METRNL: variants seen among roughly 807,000 people sequenced by gnomAD.
METRNL encodes the protein meteorin-like protein.
In METRNL, 9 loss-of-function variants were observed where a neutral mutation model predicts 17.4. The ratio of observed to expected loss-of-function variants is 0.52; its 90% confidence interval spans 0.31 to 0.90. METRNL has a LOEUF of 0.90. Ranked by LOEUF, METRNL falls within the 40% of genes least tolerant of loss-of-function variation. The probability of loss-of-function intolerance (pLI) is 0.05; values close to 1 mark genes in which losing one functional copy is unlikely to be tolerated. For synonymous variants in METRNL, 215 were observed against 199.3 expected, an observed-to-expected ratio of 1.08 and a Z score of -0.66; for missense variants, 408 against 430.7, an observed-to-expected ratio of 0.95 and a Z score of 0.47.
Position 83,088,309 on chromosome 17 carries a change from G to A in METRNL, c.556+2986G>A, listed in dbSNP as rs908884697. On this transcript the variant is annotated intron_variant, in intron 2 of 3. Coordinates refer to ENST00000320095, the MANE Select transcript of METRNL (RefSeq NM_001004431.3). Reference sequence around the variant, plus strand: ...GTGCCCAGCAGACCTGGCTGAGGCCGTGTGGGGCTGCTGTTTGCAGGCCAG... The same window carrying A: ...GTGCCCAGCAGACCTGGCTGAGGCCATGTGGGGCTGCTGTTTGCAGGCCAG... Among the ~76,000 whole-genome samples, 4 of 152,368 alleles carry A rather than the reference G, an allele frequency of 2.6e-5. No homozygotes were observed. The East Asian group carries it at 7.7e-4, about 29-fold the overall frequency.
chr17:83,084,394 G>A (rs1225802740), intron 1 of METRNL: 1 of 153,766 alleles, frequency 6.5e-6, no homozygotes, highest in Non-Finnish European at 1.4e-5. Flanking sequence ...TCCTTCACAC[G>A]TGGTGGGGCC....
chr17:83,093,737 A>G (rs1449891715), intron 3 of METRNL, among the ~76,000 whole-genome samples: 1 of 152,114 alleles, frequency 6.6e-6, no homozygotes, highest in Non-Finnish European at 1.5e-5. Context: ...CCTGTGGGAA[A>G]GGTTTGGCCT....
chr17:83,094,227 TC>T (rs2143660965), intron 3 of METRNL, 28 bp from the exon 4 acceptor site: 1 of 1,537,140 alleles, frequency 6.5e-7, no homozygotes, highest in South Asian at 1.3e-5. Flanking sequence ...CTTTGCTCAC[TC>T]CCTGTCCCCA....
At position 83,084,922 on chromosome 17, in the gene METRNL, T is replaced by C; in HGVS notation, c.171-16T>C. The C allele has an allele frequency of 6.2e-7, 1 of 1,600,630 alleles. No homozygotes were observed. ...CGGGAGCTCCGGGCCTGGCTGACAG[T>C]GTCTCTCCTCTGCAGCGGGCTGACG... On this transcript the variant is annotated splice_polypyrimidine_tract_variant and intron_variant, in intron 1 of 3. Coordinates refer to ENST00000320095, the MANE Select transcript of METRNL (RefSeq NM_001004431.3).
At chr17:83,082,781 G>A (rs780377004) in intron 1 of METRNL, among the ~76,000 whole-genome samples, 9 of 152,200 alleles carry the variant, frequency 5.9e-5, no homozygotes, top group Middle Eastern at 3.2e-3. Context: ...CATGAGTCTC[G>A]GACTTCGTGC....
chr17:83,092,670 T>G (rs1600494249), intron 2 of METRNL, among the ~76,000 whole-genome samples: 1 of 136,954 alleles, frequency 7.3e-6, no homozygotes, highest in Non-Finnish European at 1.6e-5. Flanking sequence ...CCCGGCGCCG[T>G]GGGCTGTGGA....
At chr17:83,086,958 C>T (rs1207482376) in intron 2 of METRNL, among the ~76,000 whole-genome samples, 10 of 148,468 alleles carry the variant, frequency 6.7e-5, no homozygotes, top group Non-Finnish European at 8.9e-5. Flanking sequence ...TAGGCTGGGG[C>T]GGTGGGTGGG....
intron 1 of METRNL, chr17:83,082,231 A>G (rs935339419): frequency 4.1e-6 from 4 of 985,328 alleles, no homozygotes; most frequent in Non-Finnish European, 2.4e-6. Context: ...CTCTCCTGCA[A>G]GGTGGGGAAA....
At position 83,094,727 on chromosome 17, in the gene METRNL, G is replaced by A. The variant is rs752886642; in HGVS notation, c.*152G>A. On this transcript the variant is annotated 3_prime_UTR_variant, in exon 4 of 4. Transcript: ENST00000320095. ...TGGTACCGAAGCTGTGGACGTTCTCGCCACACTCAACCCCATGAGCTTCCA... is the reference window on the plus strand; with the variant it reads ...TGGTACCGAAGCTGTGGACGTTCTCACCACACTCAACCCCATGAGCTTCCA... 8.8e-4 allele frequency: 445 copies of A among 505,276 alleles called. 7 individuals carry two copies. Among genetic ancestry groups the A allele is most frequent in the South Asian group, 2.9e-4 (3 of 10,206 alleles). 31.3% of individuals were successfully genotyped at this position (505,276 alleles called of 1,614,324 possible).
chr17:83,080,765 G>A (rs995733009), intron 1 of METRNL, among the ~76,000 whole-genome samples: 3 of 150,840 alleles, frequency 2.0e-5, no homozygotes, highest in Non-Finnish European at 3.0e-5. Context: ...CAGTTCCGGG[G>A]TTCGCAGATG....
rs139658184 is a variant in METRNL, at chr17:83,093,192, C to T, written c.582C>T (p.Thr194=). 25 of 1,608,216 alleles carry T rather than the reference C, an allele frequency of 1.6e-5. No homozygotes were observed. Among genetic ancestry groups the T allele is most frequent in the Middle Eastern group, 1.7e-4 (1 of 6,060 alleles). The change falls in exon 3 of 4, where the codon ACC becomes ACT. Residue 194 remains threonine, a synonymous_variant. Transcript: ENST00000320095. ...LSAPCRPCSD[T]EVLLAVCTSD... Reference sequence around the variant, plus strand: ...CGCCGTGCCGTCCCTGCAGTGACACCGAGGTGCTCCTAGCCGTCTGCACCA... The same window carrying T: ...CGCCGTGCCGTCCCTGCAGTGACACTGAGGTGCTCCTAGCCGTCTGCACCA...
intron 1 of METRNL, among the ~76,000 whole-genome samples, chr17:83,081,216 A>G (rs1420160308): frequency 2.0e-5 from 3 of 151,474 alleles, no homozygotes; most frequent in Admixed American, 6.6e-5. Flanking sequence ...CGGCGCCGGG[A>G]GCCTCCGAGG....
chr17:83,085,126 AT>A lies in METRNL; in HGVS notation c.362del (p.Leu121TrpfsTer7). ...SFTDSSGANI[Y>X]LEKTGELRLL... The stretch of plus-strand genomic sequence containing the variant: ...ACGGACTCCTCGGGGGCCAATATTT[AT>A]TTGGAAAAAACTGGAGAACTGAGAC... On this transcript the variant is annotated frameshift_variant, in exon 2 of 4. Transcript: ENST00000320095. LOFTEE classifies it high-confidence loss of function. The A allele has an allele frequency of 6.2e-7, 1 of 1,613,588 alleles. No homozygotes were observed. Among genetic ancestry groups the A allele is most frequent in the Non-Finnish European group, 8.5e-7 (1 of 1,179,968 alleles).
In METRNL at chr17:83,094,661, C is replaced by T. The variant is rs572326036; in HGVS notation, c.*86C>T. On this transcript the variant is annotated 3_prime_UTR_variant, in exon 4 of 4. Transcript: ENST00000320095. ...CCTGGTGGGGCCGTGCGGTGAGGGC[C>T]GCGCGCTGGGAGCCGCATGCCCTGG... 31 of 1,171,460 alleles carry T rather than the reference C, an allele frequency of 2.6e-5. No individual in the cohort carries two copies. In the East Asian group the frequency reaches 4.6e-4, roughly 17 times the overall value. 72.6% of individuals were successfully genotyped at this position (1,171,460 alleles called of 1,614,324 possible).
At chr17:83,091,031 C>G (rs1368358763) in intron 2 of METRNL, among the ~76,000 whole-genome samples, 1 of 152,144 alleles carries the variant, frequency 6.6e-6, no homozygotes, top group Non-Finnish European at 1.5e-5. Context: ...GGGCGGCTTC[C>G]AGCTTGGGGG....
At chr17:83,084,604 C>CGGCAG (rs1481855327) in intron 1 of METRNL, 1 of 365,772 alleles carries the variant, frequency 2.7e-6, no homozygotes. Flanking sequence ...TTTGACGCTA[C>CGGCAG]GGCAGCAGAG....
intron 1 of METRNL, among the ~76,000 whole-genome samples, chr17:83,081,252 T>G (rs2037984051): frequency 6.6e-6 from 1 of 151,836 alleles, no homozygotes; most frequent in Non-Finnish European, 1.5e-5. Flanking sequence ...GGGCCGCCCC[T>G]GCCCCCGCGG....
At chr17:83,082,028 C>T (rs2037995642) in intron 1 of METRNL, 4 of 962,970 alleles carry the variant, frequency 4.2e-6, no homozygotes, top group African/African-American at 3.5e-5. Flanking sequence ...ATGACACTGG[C>T]CACTGCATCG....
rs138581506 is a variant in METRNL, at chr17:83,090,765, G to T, written c.557-2402G>T. On this transcript the variant is annotated intron_variant, in intron 2 of 3. Transcript: ENST00000320095. Reference sequence around the variant, plus strand: ...GCTGGGACCTCTGGCCCTGTGGTACGGGGCAGGTGCTGGCGTGCAGTCTCA... The same window carrying T: ...GCTGGGACCTCTGGCCCTGTGGTACTGGGCAGGTGCTGGCGTGCAGTCTCA... Among the ~76,000 whole-genome samples, 930 of 151,888 alleles carry T rather than the reference G, an allele frequency of 6.1e-3. 6 individuals carry two copies. Among genetic ancestry groups the T allele is most frequent in the African/African-American group, 0.022 (899 of 41,430 alleles).
Sources: gnomAD v4.1 joint callset for allele counts (sites outside exome capture counted in the v4.1 genomes callset) on GRCh38, gnomAD v4.1.1 for gene constraint, MANE v1.5 for transcripts, NCBI Gene and HGNC (gene_info 2026-07-23, HGNC 2026-07-21) for gene names.